Variants in ZNF608 observed in about 807,000 individuals in gnomAD.
ZNF608 encodes renal carcinoma antigen NY-REN-36.
In ZNF608, 12 loss-of-function variants were observed where a neutral mutation model predicts 109.0. That is an observed-to-expected ratio of 0.11 (90% CI 0.07 to 0.18). ZNF608 has a LOEUF of 0.18. ZNF608 is among the 10% of genes least tolerant of loss of function. The pLI is 1.00. For synonymous variants in ZNF608, 732 were observed against 717.4 expected, an observed-to-expected ratio of 1.02 and a Z score of -0.33; for missense variants, 1,707 against 1,879.3, an observed-to-expected ratio of 0.91 and a Z score of 1.70.
intron 3 of ZNF608, among the ~76,000 whole-genome samples, chr5:124,687,979 T>C (rs1752469863): frequency 2.0e-5 from 3 of 152,166 alleles, no homozygotes; most frequent in Admixed American, 6.5e-5. Flanking sequence ...ACACATTATA[T>C]ATTATAAACA....
chr5:124,722,962 A>G (rs938688691), intron 2 of ZNF608, among the ~76,000 whole-genome samples: 2 of 152,166 alleles, frequency 1.3e-5, no homozygotes, highest in Admixed American at 6.5e-5. Context: ...GGTATGTATC[A>G]TAACTTCCAG....
At chr5:124,668,196 AT>A (rs1215929307) in intron 3 of ZNF608, among the ~76,000 whole-genome samples, 73 of 3,838 alleles carry the variant, frequency 0.019, no homozygotes, top group Admixed American at 0.087. Flanking sequence ...ATGCTTAAAA[AT>A]ATATATATAT....
At chr5:124,676,185 A>G (rs753862965) in intron 3 of ZNF608, among the ~76,000 whole-genome samples, 5 of 152,198 alleles carry the variant, frequency 3.3e-5, no homozygotes, top group African/African-American at 4.8e-5. Context: ...CCTTTGGTGA[A>G]TGCTACTGGA....
intron 3 of ZNF608, among the ~76,000 whole-genome samples, chr5:124,657,243 T>C (rs931658324): frequency 6.6e-6 from 1 of 152,148 alleles, no homozygotes; most frequent in South Asian, 2.1e-4. Flanking sequence ...TGCTGTCCCA[T>C]ATGTTCACGT....
At chr5:124,729,539 T>C (rs989299890) in intron 2 of ZNF608, among the ~76,000 whole-genome samples, 6 of 152,222 alleles carry the variant, frequency 3.9e-5, no homozygotes, top group African/African-American at 1.4e-4. Flanking sequence ...CATTAAAAAT[T>C]ACTCCTCTTG....
chr5:124,681,370 T>A (rs551943391), intron 3 of ZNF608, among the ~76,000 whole-genome samples: 2 of 152,016 alleles, frequency 1.3e-5, no homozygotes, highest in African/African-American at 4.8e-5. Context: ...GGCAGGAGAA[T>A]CACTTGAACT....
chr5:124,688,078 C>T (rs567742436), intron 3 of ZNF608, among the ~76,000 whole-genome samples: 1 of 152,130 alleles, frequency 6.6e-6, no homozygotes, highest in Non-Finnish European at 1.5e-5. Context: ...AAAATGTTTG[C>T]AGAGACAGCA....
intron 8 of ZNF608, among the ~76,000 whole-genome samples, chr5:124,640,022 A>G (rs1750165969): frequency 6.6e-6 from 1 of 152,206 alleles, no homozygotes; most frequent in Admixed American, 6.5e-5. Flanking sequence ...TTTCTCTTCC[A>G]AGTTCTTATT....
intron 2 of ZNF608, among the ~76,000 whole-genome samples, chr5:124,701,564 G>A (rs568667264): frequency 5.3e-5 from 8 of 152,246 alleles, no homozygotes; most frequent in African/African-American, 1.9e-4. Context: ...CAGCAGACGT[G>A]AATGAAACAT....
At position 124,648,160 on chromosome 5, in the gene ZNF608, G is replaced by A. The variant is rs376528113; in HGVS notation, c.2224C>T (p.Pro742Ser). Residue 742 changes from proline (P) to serine (S), a missense_variant, in exon 5 of 10, where the codon CCA becomes TCA. Physicochemically the swap from Pro to Ser is moderately conservative, Grantham distance 74. Transcript: ENST00000513986. ...ATTAGCTGCGGGGGAGTGGGGGCTGGGGCAGGGGCAATGGGCCGGGCACTT... is the reference window on the plus strand; with the variant it reads ...ATTAGCTGCGGGGGAGTGGGGGCTGAGGCAGGGGCAATGGGCCGGGCACTT... The part of the protein sequence containing the change: ...LKSARPIAPA[P>S]APTPPQLIAI... The A allele has an allele frequency of 3.1e-6, 5 of 1,611,024 alleles. No homozygotes were observed. Among genetic ancestry groups the A allele is most frequent in the Non-Finnish European group, 4.2e-6 (5 of 1,177,700 alleles).
chr5:124,647,715 G>C lies in ZNF608; in HGVS notation c.2669C>G (p.Thr890Arg), dbSNP rs1331447274. 1 of 1,614,192 alleles carries C rather than the reference G, an allele frequency of 6.2e-7. No individual in the cohort carries two copies. Among genetic ancestry groups the C allele is most frequent in the Admixed American group, 1.7e-5 (1 of 60,030 alleles). The part of the protein sequence containing the change: ...KAEADKVYTF[T>R]DNAPSPSIGS... ...TATGGAAGGGCTGGGAGCGTTGTCT[G>C]TGAAAGTGTAAACCTTATCGGCCTC... Residue 890 changes from threonine (T) to arginine (R), a missense_variant, in exon 5 of 10, where the codon ACA becomes AGA. Physicochemically the swap from Thr to Arg is moderately conservative, Grantham distance 71. Transcript: ENST00000513986.
At chr5:124,689,482 GAGAGAC>G (rs1015045360) in intron 3 of ZNF608, among the ~76,000 whole-genome samples, 1 of 137,260 alleles carries the variant, frequency 7.3e-6, no homozygotes, top group African/African-American at 2.7e-5. Context: ...AAAAAAAAGA[GAGAGAC>G]AGAGAGAGAA....
At chr5:124,682,523 A>G (rs1201393506) in intron 3 of ZNF608, among the ~76,000 whole-genome samples, 1 of 152,238 alleles carries the variant, frequency 6.6e-6, no homozygotes, top group East Asian at 1.9e-4. Context: ...TCAGATTTTT[A>G]TAGCTATGAA....
At chr5:124,707,848 C>G (rs1272786819) in intron 2 of ZNF608, 1 of 152,220 alleles carries the variant, frequency 6.6e-6, no homozygotes, top group East Asian at 1.9e-4. Flanking sequence ...ATTTCCATCC[C>G]TAAAGGACAA....
At chr5:124,726,842 C>A (rs563824274) in intron 2 of ZNF608, among the ~76,000 whole-genome samples, 16 of 152,306 alleles carry the variant, frequency 1.1e-4, no homozygotes, top group African/African-American at 3.8e-4. Context: ...ATATGTGTTA[C>A]CTGAGTGGAT....
At chr5:124,714,386 C>T (rs961962456) in intron 2 of ZNF608, among the ~76,000 whole-genome samples, 1 of 152,170 alleles carries the variant, frequency 6.6e-6, no homozygotes, top group Non-Finnish European at 1.5e-5. Flanking sequence ...GTCATGGATG[C>T]ACAACTAAGA....
chr5:124,652,844 A>G (rs1750851811), intron 3 of ZNF608, among the ~76,000 whole-genome samples: 1 of 152,220 alleles, frequency 6.6e-6, no homozygotes, highest in Admixed American at 6.5e-5. Context: ...AAAAGTGCAA[A>G]TTTGTATTTT....
Position 124,646,005 on chromosome 5 carries a change from A to G in ZNF608, c.3705+674T>C, listed in dbSNP as rs116539998. ...AAATATTTCAGAGATAAGACTCAGA[A>G]TCTCAGAGTTAGAAGAGAATTCAGC... On this transcript the variant is annotated intron_variant, in intron 5 of 9. Coordinates refer to ENST00000513986, the MANE Select transcript of ZNF608 (RefSeq NM_020747.3). Among the ~76,000 whole-genome samples, 409 of 152,334 alleles carry G rather than the reference A, an allele frequency of 2.7e-3. 1 individual carries two copies. Among genetic ancestry groups the G allele is most frequent in the Middle Eastern group, 6.8e-3 (2 of 294 alleles).
chr5:124,733,049 A>G (rs548693836), intron 2 of ZNF608, among the ~76,000 whole-genome samples: 15 of 151,848 alleles, frequency 9.9e-5, no homozygotes, highest in Non-Finnish European at 1.9e-4. Flanking sequence ...AAAAAAGGGT[A>G]AAAACAGCTG....
Sources: allele counts gnomAD v4.1 joint callset (sites outside exome capture counted in the v4.1 genomes callset), GRCh38; gene constraint gnomAD v4.1.1; transcripts MANE v1.5; gene names NCBI Gene and HGNC (gene_info 2026-07-23, HGNC 2026-07-21).